CCDC102B: variants seen among roughly 807,000 people sequenced by gnomAD.
The protein encoded by CCDC102B is coiled-coil domain containing 102B.
A neutral mutation model predicts 57.4 loss-of-function variants in CCDC102B; 75 were observed. That is an observed-to-expected ratio of 1.31 (90% CI 1.08 to 1.58). CCDC102B has a LOEUF of 1.58. Among genes scored for constraint, CCDC102B ranks in the 40% most tolerant of loss-of-function variants. The pLI, the probability that CCDC102B is intolerant of heterozygous loss-of-function variation, is 0.00. For missense variants in CCDC102B, 636 were observed against 582.6 expected (o/e 1.09, Z -0.94); for synonymous variants, 206 against 201.9 (o/e 1.02, Z -0.17).
chr18:68,925,167 C>T (rs1322934418), intron 6 of CCDC102B, among the ~76,000 whole-genome samples: 1 of 152,054 alleles, frequency 6.6e-6, no homozygotes. Flanking sequence ...ACTTCTCTGA[C>T]AAAATGTATT....
chr18:68,879,341 A>G (rs2144949516), intron 5 of CCDC102B, among the ~76,000 whole-genome samples: 1 of 152,226 alleles, frequency 6.6e-6, no homozygotes, highest in East Asian at 1.9e-4. Flanking sequence ...CAAAGAACGA[A>G]AGAACAAAGC....
At chr18:68,980,355 T>C (rs1368185926) in intron 6 of CCDC102B, among the ~76,000 whole-genome samples, 1 of 150,882 alleles carries the variant, frequency 6.6e-6, no homozygotes, top group Non-Finnish European at 1.5e-5. Context: ...CATAACTTAC[T>C]TAGGGCCTGA....
At chr18:68,986,476 T>A (rs2050726432) in intron 6 of CCDC102B, among the ~76,000 whole-genome samples, 1 of 152,018 alleles carries the variant, frequency 6.6e-6, no homozygotes, top group Non-Finnish European at 1.5e-5. Context: ...ACAGAATAGG[T>A]TGAAGGAAGA....
At chr18:68,840,735 T>C (rs1317075739) in intron 3 of CCDC102B, among the ~76,000 whole-genome samples, 1 of 152,210 alleles carries the variant, frequency 6.6e-6, no homozygotes, top group African/African-American at 2.4e-5. Flanking sequence ...CAGTGCAGTC[T>C]AATAGGAGCA....
chr18:68,889,334 T>G (rs2144988783), intron 5 of CCDC102B, among the ~76,000 whole-genome samples: 1 of 152,308 alleles, frequency 6.6e-6, no homozygotes, highest in Admixed American at 6.5e-5. Flanking sequence ...GAGTCAGAAA[T>G]TAGACCTCTA....
chr18:68,832,148 AAG>A (rs2037170337), intron 1 of CCDC102B, among the ~76,000 whole-genome samples: 1 of 152,178 alleles, frequency 6.6e-6, no homozygotes, highest in African/African-American at 2.4e-5. Flanking sequence ...TCTATAGATT[AAG>A]ATAAAGCAAT....
intron 7 of CCDC102B, among the ~76,000 whole-genome samples, chr18:69,030,151 T>C (rs1232780936): frequency 6.6e-6 from 1 of 152,206 alleles, no homozygotes; most frequent in Non-Finnish European, 1.5e-5. Flanking sequence ...CAAACCTAAA[T>C]TGATCATAAA....
At chr18:68,954,470 G>A (rs2049789872) in intron 6 of CCDC102B, among the ~76,000 whole-genome samples, 1 of 152,098 alleles carries the variant, frequency 6.6e-6, no homozygotes, top group African/African-American at 2.4e-5. Context: ...CACATTCTGA[G>A]ATCTATTACA....
At position 68,999,053 on chromosome 18, in the gene CCDC102B, A is replaced by G. The variant is rs114104168; in HGVS notation, c.1264-11881A>G. Among the ~76,000 whole-genome samples the G allele has an allele frequency of 1.6e-3, 238 of 150,512 alleles. 1 individual carries two copies. Among genetic ancestry groups the G allele is most frequent in the African/African-American group, 5.5e-3 (226 of 40,828 alleles). On this transcript the variant is annotated intron_variant, in intron 6 of 7. Transcript: ENST00000360242. ...AGAGAGAGAGTCATTATCATAAAAT[A>G]ATGAACATTATTGAGAATTTGAGTT...
chr18:69,006,477 C>A (rs1365800377), intron 6 of CCDC102B, among the ~76,000 whole-genome samples: 1 of 151,536 alleles, frequency 6.6e-6, no homozygotes, highest in Non-Finnish European at 1.5e-5. Flanking sequence ...TGCTGGAGGG[C>A]AGTGGCAGGA....
At chr18:68,743,204 AAAATAAATAAATAAATAAATAAATAAAT>A (rs149028636) in intron 2 of CCDC102B, among the ~76,000 whole-genome samples, 35 of 142,614 alleles carry the variant, frequency 2.5e-4, no homozygotes, top group Non-Finnish European at 4.1e-4. Context: ...CATCTCAACA[AAAATAAATAAATAAATAAATAAATAAAT>A]AAATAAATAA....
At position 68,742,039 on chromosome 18, in the gene CCDC102B, G is replaced by A. The variant is rs1437772092; in HGVS notation, c.-67+25445G>A. 2.0e-5 allele frequency among the ~76,000 whole-genome samples: 3 copies of A among 152,156 alleles called. No homozygotes were observed. In the East Asian group the frequency reaches 5.8e-4, roughly 29 times the overall value. ...GGCTGACTGTGTGTTAGCTTCCTAGGGCTGCTGGAACAAGTGACTACAAAC... is the reference window on the plus strand; with the variant it reads ...GGCTGACTGTGTGTTAGCTTCCTAGAGCTGCTGGAACAAGTGACTACAAAC... On this transcript the variant is annotated intron_variant, in intron 2 of 3. Transcript: ENST00000578970.
chr18:68,964,012 G>A (rs1369430353), intron 6 of CCDC102B, among the ~76,000 whole-genome samples: 2 of 151,740 alleles, frequency 1.3e-5, no homozygotes, highest in Admixed American at 1.3e-4. Flanking sequence ...GTCAAATTTG[G>A]TACTTGCAAT....
chr18:68,788,812 G>A (rs2035313979), intron 2 of CCDC102B, among the ~76,000 whole-genome samples: 1 of 151,986 alleles, frequency 6.6e-6, no homozygotes, highest in Non-Finnish European at 1.5e-5. Flanking sequence ...TTTAATTGGA[G>A]CATTTACTCC....
intron 6 of CCDC102B, among the ~76,000 whole-genome samples, chr18:68,935,902 C>CT (rs920451423): frequency 6.6e-6 from 1 of 151,870 alleles, no homozygotes; most frequent in Non-Finnish European, 1.5e-5. Flanking sequence ...GGTTCCCACT[C>CT]TCCTCCTCAT....
At chr18:69,055,194 A>G (rs1167684850), downstream of CCDC102B, 1 of 951,366 alleles carries the variant, frequency 1.1e-6, no homozygotes, top group Admixed American at 6.2e-5. Flanking sequence ...AGAGTCTCTC[A>G]TTGTAAAAGC....
At chr18:69,008,158 A>G (rs1298249758) in intron 6 of CCDC102B, among the ~76,000 whole-genome samples, 1 of 152,134 alleles carries the variant, frequency 6.6e-6, no homozygotes, top group African/African-American at 2.4e-5. Context: ...TCTTTTTTTA[A>G]ATGTTCCATT....
At chr18:68,727,731 C>A (rs751496706) in intron 2 of CCDC102B, among the ~76,000 whole-genome samples, 11 of 152,226 alleles carry the variant, frequency 7.2e-5, no homozygotes, top group Non-Finnish European at 1.5e-4. Context: ...GTATGGAAAG[C>A]AGCTGTCTTG....
At chr18:68,816,935 C>T (rs1319743271) in intron 1 of CCDC102B, among the ~76,000 whole-genome samples, 2 of 152,206 alleles carry the variant, frequency 1.3e-5, no homozygotes, top group African/African-American at 4.8e-5. Context: ...TTCAAGCTAA[C>T]TTATGCTATG....
Sources: gnomAD v4.1 joint callset for allele counts (sites outside exome capture counted in the v4.1 genomes callset) on GRCh38, gnomAD v4.1.1 for gene constraint, MANE v1.5 for transcripts, NCBI Gene and HGNC (gene_info 2026-07-23, HGNC 2026-07-21) for gene names.